The following LIPH variants were observed in gnomAD, a reference collection of about 807,000 sequenced individuals.
LIPH encodes lipase member H.
LIPH carries 32 observed loss-of-function variants against 47.6 expected under a neutral mutation model. The ratio of observed to expected loss-of-function variants is 0.67; its 90% CI spans 0.51 to 0.90. The LOEUF (loss-of-function observed/expected upper bound fraction) is 0.90. Among genes scored for constraint, LIPH ranks in the 40% least tolerant of loss-of-function variants. The pLI, the probability that LIPH is intolerant of heterozygous loss-of-function variation, is 0.00. For missense variants in LIPH, 497 were observed against 541.4 expected, an observed-to-expected ratio of 0.92 and a Z score of 0.81; for synonymous variants, 190 against 195.6, an observed-to-expected ratio of 0.97 and a Z score of 0.24.
chr3:185,541,112 A>C (rs1291792643), intron 1 of LIPH, among the ~76,000 whole-genome samples: 1 of 152,210 alleles, frequency 6.6e-6, no homozygotes, highest in East Asian at 1.9e-4. Flanking sequence ...TATTAGTTAT[A>C]AAATTATTTT....
chr3:185,527,452 G>A lies in LIPH; in HGVS notation c.628+32C>T, dbSNP rs375240593. 3 of 1,414,518 alleles carry A rather than the reference G, an allele frequency of 2.1e-6. No homozygotes were observed. In the South Asian group the frequency reaches 3.4e-5, roughly 16 times the overall value. The allele number at this position is 1,414,518 out of a possible 1,614,324, so 87.6% of individuals were successfully genotyped here. On this transcript the variant is annotated intron_variant, in intron 4 of 9. Transcript: ENST00000296252. ...GGGGACACTCTTTAGGAGCCTGGCG[G>A]TGTCACTGACCCACAAGGAAAGGAG...
At chr3:185,530,541 G>C (rs1469129819) in intron 3 of LIPH, among the ~76,000 whole-genome samples, 2 of 151,692 alleles carry the variant, frequency 1.3e-5, no homozygotes, top group East Asian at 1.9e-4. Flanking sequence ...GCGGTAGCAG[G>C]AGCCTGTAAT....
At chr3:185,525,570 G>A (rs994689697) in intron 4 of LIPH, among the ~76,000 whole-genome samples, 1 of 151,228 alleles carries the variant, frequency 6.6e-6, no homozygotes, top group Non-Finnish European at 1.5e-5. Context: ...TTGAGCTCAG[G>A]AGTTTGAGAC....
At position 185,527,513 on chromosome 3, in the gene LIPH, A is replaced by C; in HGVS notation, c.599T>G (p.Phe200Cys). 1 of 1,613,220 alleles carries C rather than the reference A, an allele frequency of 6.2e-7. No individual in the cohort carries two copies. The highest frequency in any genetic ancestry group is 8.5e-7 in the Non-Finnish European group (1 of 1,179,760). ...AGTGTCGGAATGGATGACATCAACA[A>C]ACTGCGCATCACTGGGATCTAATCT... ...QDRLDPSDAQ[F>C]VDVIHSDTDA... The change falls in exon 4 of 10, where the codon TTT (phenylalanine) becomes TGT (cysteine). Residue 200 changes from phenylalanine to cysteine, a missense_variant. Phe to Cys is a radical substitution (Grantham distance 205, BLOSUM62 -2). Coordinates refer to ENST00000296252, the MANE Select transcript of LIPH (RefSeq NM_139248.3).
chr3:185,543,244 C>A (rs1720769338), intron 1 of LIPH, among the ~76,000 whole-genome samples: 1 of 151,844 alleles, frequency 6.6e-6, no homozygotes, highest in Non-Finnish European at 1.5e-5. Context: ...TAAAATGGTG[C>A]CCAAGCATAA....
At chr3:185,529,270 C>T (rs925304934) in intron 3 of LIPH, among the ~76,000 whole-genome samples, 4 of 149,906 alleles carry the variant, frequency 2.7e-5, no homozygotes, top group Non-Finnish European at 3.0e-5. Context: ...TACCAGATCC[C>T]TACCTGGAGT....
intron 5 of LIPH, among the ~76,000 whole-genome samples, chr3:185,520,751 TTGAG>T (rs1719877392): frequency 6.6e-6 from 1 of 152,152 alleles, no homozygotes; most frequent in Non-Finnish European, 1.5e-5. Context: ...GCTCCAGTAA[TTGAG>T]TAATTATCAA....
At chr3:185,533,994 C>T (rs1225279828) in intron 2 of LIPH, among the ~76,000 whole-genome samples, 3 of 152,114 alleles carry the variant, frequency 2.0e-5, no homozygotes, top group South Asian at 2.1e-4. Flanking sequence ...GAGGCCGAGG[C>T]GGGCAGATCA....
In LIPH at chr3:185,522,636, G is replaced by GAGAGAAAA. The variant is rs55846829; in HGVS notation, c.718+1434_718+1435insTTTTCTCT. ...GGGAGAGAGAAAGAAAGAAGGAAAA[G>GAGAGAAAA]AAAGAGAGAAAGAAAAAGAAAGAAA... is the stretch of plus-strand genomic sequence containing the variant. On this transcript the variant is annotated intron_variant, in intron 5 of 9. Coordinates refer to ENST00000296252, the MANE Select transcript of LIPH (RefSeq NM_139248.3). Among the ~76,000 whole-genome samples the GAGAGAAAA allele has an allele frequency of 2.2e-4, 30 of 138,926 alleles. 1 individual carries two copies. The highest frequency in any genetic ancestry group is 6.5e-4 in the African/African-American group (24 of 37,174). 91.1% of individuals were successfully genotyped at this position (138,926 alleles called of 152,430 possible).
At chr3:185,532,676 G>A (rs1720370757) in intron 3 of LIPH, among the ~76,000 whole-genome samples, 1 of 152,160 alleles carries the variant, frequency 6.6e-6, no homozygotes. Context: ...TGTAATCCCA[G>A]CTCCTGAGGA....
At position 185,506,863 on chromosome 3, in the gene LIPH, A is replaced by G. The variant is rs112758776; in HGVS notation, c.*1927T>C. ...AAAAAAAAAAAAAAAAAAAAAAACC[A>G]GGGCCTACAGCACACTGATCTCTCT... is the stretch of plus-strand genomic sequence containing the variant. On this transcript the variant is annotated 3_prime_UTR_variant, in exon 10 of 10. Transcript: ENST00000296252. The G allele has an allele frequency of 1.4e-5, 2 of 138,376 alleles. No homozygotes were observed. Among genetic ancestry groups the G allele is most frequent in the African/African-American group, 5.3e-5 (2 of 37,452 alleles). The allele number at this position is 138,376 out of a possible 1,614,324, so 8.6% of individuals were successfully genotyped here. A position where few individuals can be genotyped will look rare whatever the true frequency, so the allele number is the denominator to read the frequency against.
At chr3:185,519,053 GC>G in intron 6 of LIPH, 88 bp downstream of exon 6, 1 of 1,108,998 alleles carries the variant, frequency 9.0e-7, no homozygotes, top group Non-Finnish European at 1.4e-6. Flanking sequence ...CAATTATGGG[GC>G]CAGTTTTTAC....
chr3:185,517,617 C>A (rs1469986885), intron 6 of LIPH, among the ~76,000 whole-genome samples: 2 of 152,158 alleles, frequency 1.3e-5, no homozygotes, highest in Non-Finnish European at 2.9e-5. Context: ...GACTGTGTCA[C>A]TAAGCAGGTG....
chr3:185,509,004 G>A, intron 9 of LIPH, 127 bp from the exon 10 acceptor site: 1 of 708,850 alleles, frequency 1.4e-6, no homozygotes. Flanking sequence ...AACACTTACG[G>A]TGGCCAGGCA....
chr3:185,533,305 T>G (rs1047303627), intron 3 of LIPH, among the ~76,000 whole-genome samples: 1 of 152,182 alleles, frequency 6.6e-6, no homozygotes, highest in Non-Finnish European at 1.5e-5. Flanking sequence ...GACATAGCTG[T>G]TTTTCCAGCC....
intron 3 of LIPH, 42 bp downstream of exon 3, chr3:185,533,529 C>A (rs747368538): frequency 7.4e-7 from 1 of 1,349,132 alleles, no homozygotes; most frequent in Non-Finnish European, 1.1e-6. Context: ...CAGTGAACAC[C>A]CTGCCCAGGC....
chr3:185,537,137 G>A (rs908865045), intron 1 of LIPH, among the ~76,000 whole-genome samples: 12 of 152,118 alleles, frequency 7.9e-5, no homozygotes, highest in African/African-American at 2.9e-4. Context: ...CGCCTGCCTT[G>A]GCCTCCCAAA....
rs757925759 is a variant in LIPH at position 185,534,920 on chromosome 3, T to C, written c.262A>G (p.Met88Val). Residue 88 changes from methionine (M) to valine (V), a missense_variant, in exon 2 of 10, where the codon ATG becomes GTG. Met to Val is a conservative substitution (Grantham distance 21, BLOSUM62 1). Transcript: ENST00000296252. Reference protein sequence around the residue: ...FRPTGSPPVWMDDLVKGLLSV... With the variant: ...FRPTGSPPVWVDDLVKGLLSV... ...AGCAAACCCTTTACTAAGTCATCCA[T>C]CCAAACAGGAGGGGAGCCTGTTGGC... 6 of 1,614,182 alleles carry C rather than the reference T, an allele frequency of 3.7e-6. 1 individual carries two copies. In the South Asian group the frequency reaches 6.6e-5, roughly 18 times the overall value.
At chr3:185,536,353 A>G (rs1448620730) in intron 1 of LIPH, among the ~76,000 whole-genome samples, 1 of 152,184 alleles carries the variant, frequency 6.6e-6, no homozygotes, top group East Asian at 1.9e-4. Context: ...GGTGGACAAG[A>G]GCAGAAAGGG....
Sources: gnomAD v4.1 joint callset for allele counts (sites outside exome capture counted in the v4.1 genomes callset) on GRCh38, gnomAD v4.1.1 for gene constraint, MANE v1.5 for transcripts, NCBI Gene and HGNC (gene_info 2026-07-23, HGNC 2026-07-21) for gene names.